The following PCDHGA11 variants were observed in gnomAD, a reference collection of about 807,000 sequenced individuals.
PCDHGA11 encodes protocadherin gamma-A11.
PCDHGA11 carries 39 observed loss-of-function variants against 60.4 expected under a neutral mutation model. The observed-to-expected ratio is 0.65, with a 90% CI of 0.50 to 0.84. PCDHGA11 has a LOEUF of 0.84. Among genes scored for constraint, PCDHGA11 ranks in the 40% least tolerant of loss-of-function variants. The pLI, the probability that PCDHGA11 is intolerant of heterozygous loss-of-function variation, is 0.00. For synonymous variants in PCDHGA11, 533 were observed against 510.3 expected, an observed-to-expected ratio of 1.04 and a Z score of -0.60; for missense variants, 1,165 against 1,197.7, an observed-to-expected ratio of 0.97 and a Z score of 0.40.
intron 1 of PCDHGA11, among the ~76,000 whole-genome samples, chr5:141,445,415 C>A (rs1235584061): frequency 6.6e-6 from 1 of 152,140 alleles, no homozygotes; most frequent in Non-Finnish European, 1.5e-5. Context: ...TAACTGTCTG[C>A]TATATGCAAG....
At chr5:141,451,776 G>C (rs1279891846) in intron 1 of PCDHGA11, among the ~76,000 whole-genome samples, 1 of 152,078 alleles carries the variant, frequency 6.6e-6, no homozygotes, top group Non-Finnish European at 1.5e-5. Flanking sequence ...AGCTACTCAG[G>C]AGGCTGAGGC....
Position 141,476,944 on chromosome 5 carries a change from C to A in PCDHGA11, c.2434-17863C>A. The A allele has an allele frequency of 1.9e-6, 3 of 1,614,188 alleles. No individual in the cohort carries two copies. The highest frequency in any genetic ancestry group is 2.5e-6 in the Non-Finnish European group (3 of 1,180,044). ...CAACGGATCTGGATGAAGGCCCCAA[C>A]GGTGAAATTATTTACTCCTTCGGCA... On this transcript the variant is annotated intron_variant, in intron 1 of 3. Transcript: ENST00000398587. This position sits in a 1 kb window ranked among gnomAD's most constrained non-coding sequence, Gnocchi z 7.6.
chr5:141,422,980 C>T lies in PCDHGA11; in HGVS notation c.1753C>T (p.Pro585Ser). 1 of 1,614,232 alleles carries T rather than the reference C, an allele frequency of 6.2e-7. No individual in the cohort carries two copies. The highest frequency in any genetic ancestry group is 1.7e-4 in the Middle Eastern group (1 of 6,060). ...GGAGCTGGCGCCCCGCTCTGCGGAA[C>T]CTGGCTACCTGGTGACCAAGGTGGT... The part of the protein sequence containing the change: ...GVELAPRSAE[P>S]GYLVTKVVAV... Residue 585 changes from proline to serine, a missense_variant, in exon 1 of 4, where the codon CCT becomes TCT. Coordinates refer to ENST00000398587, the MANE Select transcript of PCDHGA11 (RefSeq NM_018914.3).
Position 141,432,403 on chromosome 5 carries a change from G to A in PCDHGA11, c.2433+8743G>A, listed in dbSNP as rs1279890312. The A allele has an allele frequency of 6.2e-7, 1 of 1,614,242 alleles. No homozygotes were observed. The highest frequency in any genetic ancestry group is 8.5e-7 in the Non-Finnish European group (1 of 1,180,052). On this transcript the variant is annotated intron_variant, in intron 1 of 3. Coordinates refer to ENST00000398587, the MANE Select transcript of PCDHGA11 (RefSeq NM_018914.3). The surrounding 1 kb of genome is among the most constrained non-coding windows in gnomAD (Gnocchi z 6.0). ...CGCCCCTCAGCAGCAACGTGTCGTT[G>A]AGCCTGTTCGTGCTGGACCAGAACG...
intron 1 of PCDHGA11, among the ~76,000 whole-genome samples, chr5:141,443,866 T>C (rs1017854695): frequency 6.6e-6 from 1 of 151,986 alleles, no homozygotes; most frequent in Non-Finnish European, 1.5e-5. Context: ...ACTGAAAAAA[T>C]TACTGATAAG....
At chr5:141,428,606 A>G (rs1270096118) in intron 1 of PCDHGA11, 4 of 216,044 alleles carry the variant, frequency 1.9e-5, no homozygotes, top group Admixed American at 1.6e-4. Context: ...TTCACTGAAG[A>G]GAATAACAAG....
At chr5:141,466,450 G>T (rs139024933) in intron 1 of PCDHGA11, among the ~76,000 whole-genome samples, 1 of 152,172 alleles carries the variant, frequency 6.6e-6, no homozygotes, top group Non-Finnish European at 1.5e-5. Context: ...TGTCTATGGT[G>T]TTGGCTATTG....
rs759618535 is a variant in PCDHGA11 at position 141,422,952 on chromosome 5, C to A, written c.1725C>A (p.Gly575=). 6.2e-7 allele frequency: 1 copy of A among 1,614,254 alleles called. No individual in the cohort carries two copies. The highest frequency in any genetic ancestry group is 8.5e-7 in the Non-Finnish European group (1 of 1,180,044). ...CCCTCCCCACAGACGGCTCCACTGG[C>A]GTGGAGCTGGCGCCCCGCTCTGCGG... The part of the protein sequence containing the change: ...YPALPTDGST[G]VELAPRSAEP... Residue 575 remains glycine (G), a synonymous_variant, in exon 1 of 4, where the codon GGC becomes GGA. Coordinates refer to ENST00000398587, the MANE Select transcript of PCDHGA11 (RefSeq NM_018914.3).
chr5:141,494,759 C>A (rs776923097), intron 1 of PCDHGA11, 48 bp from the exon 2 acceptor site: 3 of 1,613,886 alleles, frequency 1.9e-6, no homozygotes, highest in Non-Finnish European at 2.5e-6. Context: ...GGGTGACATT[C>A]TAACTTCTCA....
intron 1 of PCDHGA11, chr5:141,428,344 G>C (rs970552377): frequency 8.4e-6 from 5 of 596,498 alleles, no homozygotes; most frequent in Non-Finnish European, 1.5e-5. Context: ...CTTCTTCCTC[G>C]CAGTGATTTT....
chr5:141,427,220 T>G (rs1487350481), intron 1 of PCDHGA11: 1 of 456,710 alleles, frequency 2.2e-6, no homozygotes, highest in East Asian at 6.9e-5. Flanking sequence ...TTCGTAGCAG[T>G]TATACCATGA....
At position 141,421,287 on chromosome 5, in the gene PCDHGA11, C is replaced by T; in HGVS notation, c.60C>T (p.Phe20=). The change falls in exon 1 of 4, where the codon TTC becomes TTT. Residue 20 remains phenylalanine, a synonymous_variant. Coordinates refer to ENST00000398587, the MANE Select transcript of PCDHGA11 (RefSeq NM_018914.3). ...RSRLLLLLCI[F]LGTLRGFRAR... is the part of the protein sequence containing the mutation. ...GGCTGCTGCTGCTGCTGTGCATTTT[C>T]CTGGGGACGCTGCGGGGGTTCCGGG... The T allele has an allele frequency of 1.2e-6, 2 of 1,613,240 alleles. No homozygotes were observed. The highest frequency in any genetic ancestry group is 1.7e-6 in the Non-Finnish European group (2 of 1,179,736).
At chr5:141,502,710 C>T (rs2099815750) in intron 2 of PCDHGA11, among the ~76,000 whole-genome samples, 1 of 152,168 alleles carries the variant, frequency 6.6e-6, no homozygotes, top group South Asian at 2.1e-4. Context: ...GTTTTTACAT[C>T]AGTGATTACA....
intron 1 of PCDHGA11, among the ~76,000 whole-genome samples, chr5:141,435,395 C>T (rs946113643): frequency 5.3e-5 from 8 of 152,198 alleles, no homozygotes; most frequent in East Asian, 3.9e-4. Context: ...ATTGCCATGA[C>T]GAAAAATGGT....
intron 3 of PCDHGA11, 154 bp from the exon 4 acceptor site, chr5:141,510,793 G>A: frequency 1.1e-6 from 1 of 935,078 alleles, no homozygotes; most frequent in Non-Finnish European, 1.3e-6. Context: ...CTCTTGTGAA[G>A]AGAGACTACC....
intron 1 of PCDHGA11, among the ~76,000 whole-genome samples, chr5:141,469,029 C>A (rs2099189188): frequency 6.6e-6 from 1 of 152,052 alleles, no homozygotes; most frequent in Non-Finnish European, 1.5e-5. Flanking sequence ...GTAATCCCAG[C>A]ACTTTGGGAG....
chr5:141,493,140 C>T lies in PCDHGA11; in HGVS notation c.2434-1667C>T, dbSNP rs2099746336. Among the ~76,000 whole-genome samples, 1 of 146,374 alleles carries T rather than the reference C, an allele frequency of 6.8e-6. No homozygotes were observed. Among genetic ancestry groups the T allele is most frequent in the African/African-American group, 2.5e-5 (1 of 40,746 alleles). ...GCTCCTAGGACTGTATTTTGAAACACCCCCAGGTGATTTTGATAGCTGATT... is the reference window on the plus strand; with the variant it reads ...GCTCCTAGGACTGTATTTTGAAACATCCCCAGGTGATTTTGATAGCTGATT... On this transcript the variant is annotated intron_variant, in intron 1 of 3. Transcript: ENST00000398587. This position sits in a 1 kb window ranked among gnomAD's most constrained non-coding sequence, Gnocchi z 4.3.
At chr5:141,465,504 G>T (rs2099104593) in intron 1 of PCDHGA11, among the ~76,000 whole-genome samples, 2 of 152,152 alleles carry the variant, frequency 1.3e-5, no homozygotes. Context: ...GCATTGTCGT[G>T]GTCAGGAAGG....
Position 141,485,098 on chromosome 5 carries a change from A to G in PCDHGA11, c.2434-9709A>G, listed in dbSNP as rs2099606903. ...CGGGGAAAGGGAGATAGGTGTCTCCAGCTGCTGTGGCTGTTTGGGGCGGGT... is the reference window on the plus strand; with the variant it reads ...CGGGGAAAGGGAGATAGGTGTCTCCGGCTGCTGTGGCTGTTTGGGGCGGGT... On this transcript the variant is annotated intron_variant, in intron 1 of 3. Transcript: ENST00000398587. This position sits in a 1 kb window ranked among gnomAD's most constrained non-coding sequence, Gnocchi z 5.7. 8.8e-7 allele frequency: 1 copy of G among 1,134,792 alleles called. No individual in the cohort carries two copies. Among genetic ancestry groups the G allele is most frequent in the South Asian group, 1.4e-5 (1 of 71,796 alleles). The allele number at this position is 1,134,792 out of a possible 1,614,324, so 70.3% of individuals were successfully genotyped here. A position where few individuals can be genotyped will look rare whatever the true frequency, so the allele number is the denominator to read the frequency against.
Sources: gnomAD v4.1 joint callset for allele counts (sites outside exome capture counted in the v4.1 genomes callset) on GRCh38, gnomAD v4.1.1 for gene constraint, Gnocchi (gnomAD v3.1) non-coding constraint, MANE v1.5 for transcripts, NCBI Gene and HGNC (gene_info 2026-07-23, HGNC 2026-07-21) for gene names.